LOC128092253: variants seen among roughly 807,000 people sequenced by gnomAD.
the LOC128092253 span, among the ~76,000 whole-genome samples, chr6:133,972,704 GTTT>G: frequency 2.6e-4 from 35 of 137,242 alleles, no homozygotes; most frequent in African/African-American, 8.5e-4. Context: ...TTGTTTGTTT[GTTT>G]TTTTCCCCTC....
the LOC128092253 span, among the ~76,000 whole-genome samples, chr6:133,958,026 G>A: frequency 5.9e-5 from 9 of 152,320 alleles, no homozygotes; most frequent in Non-Finnish European, 1.2e-4. Flanking sequence ...GGCTTTAGGA[G>A]GGGGAAGTAC....
chr6:133,962,091 AAC>A, the LOC128092253 span, among the ~76,000 whole-genome samples: 7 of 152,156 alleles, frequency 4.6e-5, no homozygotes, highest in Non-Finnish European at 8.8e-5. Context: ...AAAACCGCGA[AAC>A]AGTCTGTTAT....
the LOC128092253 span, among the ~76,000 whole-genome samples, chr6:133,964,437 T>G: frequency 6.6e-6 from 1 of 151,390 alleles, no homozygotes; most frequent in Non-Finnish European, 1.5e-5. Flanking sequence ...TTTTGTTTTG[T>G]TTTTTTGGGT....
At chr6:133,968,907 C>T in the LOC128092253 span, 1 of 152,294 alleles carries the variant, frequency 6.6e-6, no homozygotes, top group East Asian at 1.9e-4. Context: ...ATGATCCACC[C>T]ATCTTGGCCT....
At chr6:133,968,490 T>C in the LOC128092253 span, among the ~76,000 whole-genome samples, 1 of 152,250 alleles carries the variant, frequency 6.6e-6, no homozygotes, top group Non-Finnish European at 1.5e-5. Context: ...TTGTTAGCAT[T>C]CACTAATACA....
At chr6:133,974,854 CAAAGAACTGCTAAATAAATGATTAGTCT>C in the LOC128092253 span, among the ~76,000 whole-genome samples, 3 of 151,904 alleles carry the variant, frequency 2.0e-5, no homozygotes, top group South Asian at 6.2e-4. Flanking sequence ...CTAGTAAATG[CAAAGAACTGCTAAATAAATGATTAGTCT>C]AAGAAAAAAT....
chr6:133,974,245 GTATT>G, the LOC128092253 span, among the ~76,000 whole-genome samples: 1 of 152,142 alleles, frequency 6.6e-6, no homozygotes, highest in Non-Finnish European at 1.5e-5. Context: ...AGACTGTACT[GTATT>G]TAACTAGTTC....
the LOC128092253 span, among the ~76,000 whole-genome samples, chr6:133,974,336 C>T: frequency 6.6e-6 from 1 of 152,016 alleles, no homozygotes; most frequent in Non-Finnish European, 1.5e-5. Context: ...TTGGTCAGTT[C>T]AGTTATTTCT....
At chr6:133,956,928 A>G in the LOC128092253 span, among the ~76,000 whole-genome samples, 17 of 152,252 alleles carry the variant, frequency 1.1e-4, no homozygotes, top group African/African-American at 3.1e-4. Context: ...TCCAGGCTAC[A>G]TAGACAAATT....
chr6:133,966,004 G>A, the LOC128092253 span, among the ~76,000 whole-genome samples: 2 of 152,182 alleles, frequency 1.3e-5, no homozygotes. Flanking sequence ...ACAGTCATAT[G>A]GCTAATAAGT....
chr6:133,966,019 G>C, the LOC128092253 span, among the ~76,000 whole-genome samples: 1 of 152,180 alleles, frequency 6.6e-6, no homozygotes, highest in Non-Finnish European at 1.5e-5. Context: ...ATAAGTGGTA[G>C]AGTCTAGATT....
the LOC128092253 span, among the ~76,000 whole-genome samples, chr6:133,955,943 C>G: frequency 6.6e-6 from 1 of 152,120 alleles, no homozygotes; most frequent in East Asian, 1.9e-4. Context: ...GCAGAATTTG[C>G]TATGAAGTAG....
the LOC128092253 span, among the ~76,000 whole-genome samples, chr6:133,954,186 A>T: frequency 3.7e-4 from 57 of 152,380 alleles, no homozygotes; most frequent in African/African-American, 1.3e-3. Context: ...AACTGCAGTC[A>T]ATCCACATCT....
the LOC128092253 span, among the ~76,000 whole-genome samples, chr6:133,964,959 C>A: frequency 6.6e-6 from 1 of 152,114 alleles, no homozygotes; most frequent in Non-Finnish European, 1.5e-5. Context: ...TGATTAAATT[C>A]TTGATGAGTT....
the LOC128092253 span, among the ~76,000 whole-genome samples, chr6:133,953,664 T>A: frequency 6.6e-6 from 1 of 151,936 alleles, no homozygotes; most frequent in Non-Finnish European, 1.5e-5. Flanking sequence ...TCTTTAGGGA[T>A]AACGGGTTGG....
the LOC128092253 span, among the ~76,000 whole-genome samples, chr6:133,969,606 A>G: frequency 6.6e-6 from 1 of 152,176 alleles, no homozygotes; most frequent in Non-Finnish European, 1.5e-5. Flanking sequence ...TGGAAGATTC[A>G]AGGTTTTTTA....
chr6:133,964,455 G>GT, the LOC128092253 span, among the ~76,000 whole-genome samples: 5,878 of 140,872 alleles, frequency 0.042, 130 homozygotes, highest in Non-Finnish European at 0.048. Context: ...GGTTTTTTGG[G>GT]TTTTTTTTTT....
the LOC128092253 span, among the ~76,000 whole-genome samples, chr6:133,972,356 A>G: frequency 3.9e-5 from 6 of 152,218 alleles, no homozygotes; most frequent in African/African-American, 1.4e-4. Flanking sequence ...TAAAACCGGG[A>G]TCTAATCAAG....
chr6:133,978,676 G>A, the LOC128092253 span, among the ~76,000 whole-genome samples: 2 of 152,150 alleles, frequency 1.3e-5, no homozygotes, highest in Admixed American at 6.5e-5. Flanking sequence ...TAATGAAGTT[G>A]AGGTACAATT....
Sources: gnomAD v4.1 joint callset for allele counts (sites outside exome capture counted in the v4.1 genomes callset) on GRCh38, gnomAD v4.1.1 for gene constraint, MANE v1.5 for transcripts.